RIC8B: variants seen among roughly 807,000 people sequenced by gnomAD.
RIC8B encodes RIC8 guanine nucleotide exchange factor B.
A neutral mutation model predicts 57.5 loss-of-function variants in RIC8B; 16 were observed. The ratio of observed to expected loss-of-function variants is 0.28; its 90% CI spans 0.19 to 0.42. RIC8B has a LOEUF of 0.42. Among genes scored for constraint, RIC8B ranks in the 10% least tolerant of loss-of-function variants. The pLI is 1.00. For missense variants in RIC8B, 481 were observed against 677.0 expected (o/e 0.71, Z 3.21); for synonymous variants, 216 against 250.8 (o/e 0.86, Z 1.31).
At chr12:106,881,288 G>C (rs1950917624) in intron 9 of RIC8B, among the ~76,000 whole-genome samples, 1 of 151,724 alleles carries the variant, frequency 6.6e-6, no homozygotes, top group South Asian at 2.1e-4. Context: ...GTCAGCCTAG[G>C]ATTCAAGGTC....
At chr12:106,778,709 A>T (rs571734200) in intron 1 of RIC8B, among the ~76,000 whole-genome samples, 3 of 152,124 alleles carry the variant, frequency 2.0e-5, no homozygotes, top group African/African-American at 7.2e-5. Context: ...TTGCAGGGCT[A>T]TGTTGCCTTT....
chr12:106,815,011 A>G lies in RIC8B; in HGVS notation c.448A>G (p.Lys150Glu), dbSNP rs777262931. The change falls in exon 3 of 10, where the codon AAG becomes GAG. Residue 150 changes from lysine (K) to glutamate (E), a missense_variant. By Grantham distance (56) the Lys-to-Glu change is moderately conservative (BLOSUM62 1). This residue lies in a region of RIC8B where 421 missense variants were observed against 560.9 expected (regional missense o/e 0.75). Coordinates refer to ENST00000392837, the MANE Select transcript of RIC8B (RefSeq NM_001330145.2). ...TGCAAAGCTCTGTAACCTCCTGAGA[A>G]AGTGCAAGGACCGGAAATTTATCAA... ...LAAKLCNLLR[K>E]CKDRKFINDI... 2 of 1,614,206 alleles carry G rather than the reference A, an allele frequency of 1.2e-6. No individual in the cohort carries two copies. The highest frequency in any genetic ancestry group is 1.7e-5 in the Admixed American group (1 of 60,016).
intron 3 of RIC8B, among the ~76,000 whole-genome samples, chr12:106,820,297 A>G (rs2045781805): frequency 6.6e-6 from 1 of 152,226 alleles, no homozygotes; most frequent in South Asian, 2.1e-4. Flanking sequence ...TGCTGATGCC[A>G]TCAGCAGATT....
At chr12:106,789,733 G>T (rs1014543047) in intron 2 of RIC8B, among the ~76,000 whole-genome samples, 2 of 151,992 alleles carry the variant, frequency 1.3e-5, no homozygotes, top group Non-Finnish European at 2.9e-5. Flanking sequence ...ATTTGGGTGG[G>T]GACACAGCCA....
At chr12:106,848,353 G>A (rs966019419) in intron 6 of RIC8B, among the ~76,000 whole-genome samples, 2 of 152,180 alleles carry the variant, frequency 1.3e-5, no homozygotes, top group East Asian at 1.9e-4. Context: ...AATCCTGTAC[G>A]GAAGTTGTAA....
chr12:106,844,904 T>G (rs1250683530), intron 6 of RIC8B, among the ~76,000 whole-genome samples: 1 of 152,228 alleles, frequency 6.6e-6, no homozygotes, highest in African/African-American at 2.4e-5. Context: ...AAGACTTTGA[T>G]TGTAACAATA....
In RIC8B at chr12:106,886,795, A is replaced by G. The variant is rs1951201898; in HGVS notation, c.*780A>G. ...AGGTCTAACCCGGGGTGCCAGGAAC[A>G]CACACATCCTCCATCCCAGCATAGA... On this transcript the variant is annotated 3_prime_UTR_variant, in exon 10 of 10. Transcript: ENST00000392837. The G allele has an allele frequency of 6.6e-6, 1 of 152,574 alleles. No homozygotes were observed. Among genetic ancestry groups the G allele is most frequent in the Non-Finnish European group, 1.5e-5 (1 of 68,046 alleles). The allele number at this position is 152,574 out of a possible 1,614,324, so 9.5% of individuals were successfully genotyped here.
At position 106,825,617 on chromosome 12, in the gene RIC8B, A is replaced by G. The variant is rs948730572; in HGVS notation, c.742-109A>G. ...TAGGATATTCTGCCATCTAAAATGT[A>G]TGGTATAAGAATGCTTGTTTGGGGT... On this transcript the variant is annotated intron_variant, in intron 3 of 9. Transcript: ENST00000392837. 3 of 709,280 alleles carry G rather than the reference A, an allele frequency of 4.2e-6. No homozygotes were observed. In the African/African-American group the frequency reaches 5.3e-5, roughly 13 times the overall value. The allele number at this position is 709,280 out of a possible 1,614,324, so 43.9% of individuals were successfully genotyped here.
At chr12:106,804,737 C>G (rs1245079604) in intron 2 of RIC8B, among the ~76,000 whole-genome samples, 1 of 152,298 alleles carries the variant, frequency 6.6e-6, no homozygotes. Flanking sequence ...GTTAAACAGA[C>G]CCTGCCCCCG....
intron 2 of RIC8B, among the ~76,000 whole-genome samples, chr12:106,810,767 C>T (rs985825248): frequency 6.6e-6 from 1 of 152,102 alleles, no homozygotes; most frequent in Non-Finnish European, 1.5e-5. Flanking sequence ...ATCTTAAGTG[C>T]CAAACTGAGG....
intron 2 of RIC8B, among the ~76,000 whole-genome samples, chr12:106,790,364 C>G (rs1158603871): frequency 6.6e-6 from 1 of 152,168 alleles, no homozygotes; most frequent in African/African-American, 2.4e-5. Context: ...AAATTAGCAA[C>G]TAGAAGTGCT....
intron 8 of RIC8B, among the ~76,000 whole-genome samples, chr12:106,861,281 G>A (rs138604223): frequency 6.6e-6 from 1 of 152,096 alleles, no homozygotes; most frequent in African/African-American, 2.4e-5. Context: ...GTGTGATGTG[G>A]ATCATGCAAT....
chr12:106,866,474 G>GTTGT (rs1263639786), intron 8 of RIC8B, among the ~76,000 whole-genome samples: 1 of 152,216 alleles, frequency 6.6e-6, no homozygotes, highest in East Asian at 1.9e-4. Context: ...CCCCTGGAAA[G>GTTGT]TTGTTTTAGT....
At chr12:106,825,859 C>A (rs1344961994) in intron 4 of RIC8B, 39 bp downstream of exon 4, 1 of 1,368,788 alleles carries the variant, frequency 7.3e-7, no homozygotes, top group South Asian at 1.2e-5. Context: ...TGAAGGACAT[C>A]ATCAGTTGTT....
intron 9 of RIC8B, among the ~76,000 whole-genome samples, chr12:106,885,164 A>G (rs1198642821): frequency 6.6e-6 from 1 of 152,198 alleles, no homozygotes; most frequent in African/African-American, 2.4e-5. Context: ...ATCAATAATT[A>G]ATCATCTTTA....
chr12:106,824,263 C>T (rs2136324509), intron 3 of RIC8B, among the ~76,000 whole-genome samples: 1 of 152,308 alleles, frequency 6.6e-6, no homozygotes, highest in East Asian at 1.9e-4. Context: ...CCTGACAGAA[C>T]CCTCCAGTAT....
chr12:106,830,531 G>A (rs944011028), intron 4 of RIC8B, among the ~76,000 whole-genome samples: 6 of 152,166 alleles, frequency 3.9e-5, no homozygotes, highest in African/African-American at 1.4e-4. Context: ...TACAGAAAAG[G>A]ATAATTTACT....
intron 8 of RIC8B, among the ~76,000 whole-genome samples, chr12:106,869,381 A>T (rs1766396712): frequency 6.6e-6 from 1 of 152,168 alleles, no homozygotes; most frequent in Admixed American, 6.5e-5. Flanking sequence ...AAAGTCTCAA[A>T]GACGGGTTGC....
intron 8 of RIC8B, among the ~76,000 whole-genome samples, chr12:106,868,647 C>A (rs536730587): frequency 6.6e-6 from 1 of 151,878 alleles, no homozygotes; most frequent in African/African-American, 2.4e-5. Flanking sequence ...TTAGGAAATA[C>A]GATGACCCAT....
Sources: allele counts gnomAD v4.1 joint callset (sites outside exome capture counted in the v4.1 genomes callset), GRCh38; gene constraint gnomAD v4.1.1; regional missense constraint gnomAD v4.1.1; transcripts MANE v1.5; gene names NCBI Gene and HGNC (gene_info 2026-07-23, HGNC 2026-07-21).